SPATA16: variants seen among roughly 807,000 people sequenced by gnomAD.
SPATA16 encodes the protein spermatogenesis associated 16.
Under a neutral mutation model 63.3 loss-of-function variants are expected in SPATA16, and 36 were observed. That is an observed-to-expected ratio of 0.57 (90% CI 0.44 to 0.75). The LOEUF is 0.75. Ranked by LOEUF, SPATA16 falls within the 30% of genes least tolerant of loss-of-function variation. The pLI, the probability that SPATA16 is intolerant of heterozygous loss-of-function variation, is 0.00. For missense variants in SPATA16, 646 were observed against 679.3 expected (o/e 0.95, Z 0.54); for synonymous variants, 203 against 216.7 (o/e 0.94, Z 0.56).
intron 6 of SPATA16, among the ~76,000 whole-genome samples, chr3:172,948,166 A>G (rs1402174427): frequency 1.3e-5 from 2 of 152,144 alleles, no homozygotes; most frequent in African/African-American, 4.8e-5. Context: ...CCCCAAGAAG[A>G]CTACCTCAAG....
intron 3 of SPATA16, among the ~76,000 whole-genome samples, chr3:173,032,637 A>G (rs1735631773): frequency 6.6e-6 from 1 of 152,212 alleles, no homozygotes; most frequent in African/African-American, 2.4e-5. Flanking sequence ...ACATGCATCA[A>G]ATAACCATCA....
chr3:172,958,540 A>C (rs1733658810), intron 5 of SPATA16, among the ~76,000 whole-genome samples: 1 of 152,210 alleles, frequency 6.6e-6, no homozygotes, highest in South Asian at 2.1e-4. Flanking sequence ...TTCTAAGGTC[A>C]TGGCTGACTT....
In SPATA16 at chr3:173,117,527, T is replaced by C. The variant is rs558144498; in HGVS notation, c.205A>G (p.Ile69Val). The C allele has an allele frequency of 3.0e-5, 49 of 1,614,182 alleles. No individual in the cohort carries two copies. The Middle Eastern group carries it at 4.9e-4, about 16-fold the overall frequency. Reference sequence around the variant, plus strand: ...AAATCATTGCTTTGTTTTTCTTTGATGCCCTTTGTCATTTTTGTTCTTTCA... The same window carrying C: ...AAATCATTGCTTTGTTTTTCTTTGACGCCCTTTGTCATTTTTGTTCTTTCA... The part of the protein sequence containing the change: ...TLERTKMTKG[I>V]KEKQSNDLEK... Residue 69 changes from isoleucine (I) to valine (V), a missense_variant, in exon 2 of 11, where the codon ATC (isoleucine) becomes GTC (valine). By Grantham distance (29) the Ile-to-Val change is conservative. Transcript: ENST00000351008.
chr3:173,018,674 C>T (rs548456646), intron 4 of SPATA16, among the ~76,000 whole-genome samples: 2 of 152,084 alleles, frequency 1.3e-5, no homozygotes, highest in Non-Finnish European at 2.9e-5. Flanking sequence ...ACCTAGGCAC[C>T]CCATCTCGAT....
At chr3:173,110,373 A>G (rs1560126199) in intron 2 of SPATA16, among the ~76,000 whole-genome samples, 2 of 152,234 alleles carry the variant, frequency 1.3e-5, no homozygotes, top group African/African-American at 2.4e-5. Context: ...AACACGATGC[A>G]TTACTTTGTC....
intron 2 of SPATA16, among the ~76,000 whole-genome samples, chr3:173,091,981 G>A (rs1294775040): frequency 6.6e-6 from 1 of 152,056 alleles, no homozygotes; most frequent in Non-Finnish European, 1.5e-5. Flanking sequence ...CCATAAAAAA[G>A]GACAGGCATG....
chr3:172,894,386 T>G (rs931595662), intron 10 of SPATA16, among the ~76,000 whole-genome samples: 6 of 152,042 alleles, frequency 3.9e-5, no homozygotes, highest in African/African-American at 1.2e-4. Flanking sequence ...GCCCCTAAGT[T>G]TTTTCTTTTT....
At chr3:173,119,333 A>T (rs994779369) in intron 1 of SPATA16, among the ~76,000 whole-genome samples, 1 of 152,170 alleles carries the variant, frequency 6.6e-6, no homozygotes, top group African/African-American at 2.4e-5. Context: ...AAATAAACAA[A>T]CAAAAAGCAT....
At chr3:172,988,797 C>T (rs1734510925) in intron 4 of SPATA16, among the ~76,000 whole-genome samples, 1 of 152,050 alleles carries the variant, frequency 6.6e-6, no homozygotes, top group Non-Finnish European at 1.5e-5. Flanking sequence ...CCATCACGTC[C>T]AGCTAATTTT....
At chr3:173,013,486 A>G (rs1735115256) in intron 4 of SPATA16, among the ~76,000 whole-genome samples, 1 of 152,218 alleles carries the variant, frequency 6.6e-6, no homozygotes, top group East Asian at 1.9e-4. Context: ...GGCCCAGAAC[A>G]AAGACAGCAC....
intron 2 of SPATA16, 102 bp downstream of exon 2, chr3:173,117,018 T>G: frequency 8.5e-7 from 1 of 1,177,780 alleles, no homozygotes. Flanking sequence ...CCTCACCTCA[T>G]GATCACTGCT....
Position 173,046,283 on chromosome 3 carries a change from C to G in SPATA16, c.758+2666G>C, listed in dbSNP as rs140096082. Among the ~76,000 whole-genome samples, 56 of 152,050 alleles carry G rather than the reference C, an allele frequency of 3.7e-4. 1 individual carries two copies. The highest frequency in any genetic ancestry group is 1.3e-3 in the African/African-American group (52 of 41,516). ...AAGTAAAAAATAATACTTATATATG[C>G]CACTTCGGATATGTTATGAATAAAA... On this transcript the variant is annotated intron_variant, in intron 3 of 10. Transcript: ENST00000351008.
intron 2 of SPATA16, among the ~76,000 whole-genome samples, chr3:173,056,351 A>G (rs1736221419): frequency 6.6e-6 from 1 of 152,158 alleles, no homozygotes. Flanking sequence ...TTTCAAAAAG[A>G]GCAAATGTGG....
At chr3:173,045,899 A>G (rs966540760) in intron 3 of SPATA16, among the ~76,000 whole-genome samples, 3 of 152,108 alleles carry the variant, frequency 2.0e-5, no homozygotes, top group Non-Finnish European at 4.4e-5. Context: ...TGTAGATACT[A>G]CCATTATAAA....
At chr3:172,966,919 C>T (rs1733930714) in intron 5 of SPATA16, among the ~76,000 whole-genome samples, 1 of 152,054 alleles carries the variant, frequency 6.6e-6, no homozygotes, top group South Asian at 2.1e-4. Context: ...AATCAATAAC[C>T]CATAAAAATC....
At chr3:172,896,790 C>CA (rs1553778730) in intron 10 of SPATA16, among the ~76,000 whole-genome samples, 1 of 146,842 alleles carries the variant, frequency 6.8e-6, no homozygotes, top group Non-Finnish European at 1.5e-5. Flanking sequence ...ATTGGATCGG[C>CA]TTTTTTTTTT....
chr3:173,048,971 G>A lies in SPATA16; in HGVS notation c.736C>T (p.Leu246Phe), dbSNP rs116466451. The A allele has an allele frequency of 3.8e-4, 616 of 1,613,766 alleles. 4 individuals carry two copies. In the African/African-American group the frequency reaches 6.5e-3, roughly 17 times the overall value. The change falls in exon 3 of 11, where the codon CTT becomes TTT. Residue 246 changes from leucine (L) to phenylalanine (F), a missense_variant. Transcript: ENST00000351008. ...TACCTGTGTGCATGATTCAGGGCAAGATCTGGTTTCCTCATCCGTAGATAA... is the reference window on the plus strand; with the variant it reads ...TACCTGTGTGCATGATTCAGGGCAAAATCTGGTTTCCTCATCCGTAGATAA... ...TCYLRMRKPD[L>F]ALNHAHRSIV...
chr3:173,016,235 A>G (rs569596562), intron 4 of SPATA16, among the ~76,000 whole-genome samples: 1 of 152,312 alleles, frequency 6.6e-6, no homozygotes, highest in South Asian at 2.1e-4. Flanking sequence ...GTAGAATGTT[A>G]CTGAAAGCAT....
chr3:173,125,486 A>G (rs1192544386), intron 1 of SPATA16, among the ~76,000 whole-genome samples: 4 of 152,072 alleles, frequency 2.6e-5, no homozygotes, highest in Admixed American at 6.6e-5. Context: ...CTCCTCACAT[A>G]TCTTTCCCCC....
Sources: gnomAD v4.1 joint callset for allele counts (sites outside exome capture counted in the v4.1 genomes callset) on GRCh38, gnomAD v4.1.1 for gene constraint, MANE v1.5 for transcripts, NCBI Gene and HGNC (gene_info 2026-07-23, HGNC 2026-07-21) for gene names.